The following MED13 variants were observed in gnomAD, a reference collection of about 807,000 sequenced individuals.
MED13 encodes the protein mediator of RNA polymerase II transcription subunit 13.
In MED13, 23 loss-of-function variants were observed where a neutral mutation model predicts 225.2. The observed-to-expected ratio is 0.10, with a 90% CI of 0.07 to 0.14. The LOEUF is 0.14. Among genes scored for constraint, MED13 ranks in the 10% least tolerant of loss-of-function variants. The pLI is 1.00. For missense variants in MED13, 2,197 were observed against 2,594.5 expected (o/e 0.85, Z 3.33); for synonymous variants, 942 against 889.2 (o/e 1.06, Z -1.06).
chr17:61,945,246 T>G lies in MED13; in HGVS notation c.*1222A>C, dbSNP rs989236656. ...GCGCACACACACACACCCATACATA[T>G]GCATACTCTCACATACATTCCCAAT... On this transcript the variant is annotated 3_prime_UTR_variant, in exon 30 of 30. Transcript: ENST00000397786. 1 of 151,904 alleles carries G rather than the reference T, an allele frequency of 6.6e-6. No individual in the cohort carries two copies. Among genetic ancestry groups the G allele is most frequent in the East Asian group, 1.9e-4 (1 of 5,180 alleles). The allele number at this position is 151,904 out of a possible 1,614,324, so 9.4% of individuals were successfully genotyped here. A position where few individuals can be genotyped will look rare whatever the true frequency, so the allele number is the denominator to read the frequency against.
chr17:62,028,071 A>C (rs2080719696), intron 8 of MED13, among the ~76,000 whole-genome samples: 1 of 152,232 alleles, frequency 6.6e-6, no homozygotes. Context: ...AGGGAATATA[A>C]ATCATTCTAC....
At chr17:62,045,381 G>T (rs1427100505) in intron 3 of MED13, among the ~76,000 whole-genome samples, 2 of 152,100 alleles carry the variant, frequency 1.3e-5, no homozygotes, top group Non-Finnish European at 2.9e-5. Context: ...TCTTGGCCAG[G>T]CGTGGTTGGT....
chr17:62,015,032 C>T (rs926114253), intron 8 of MED13, among the ~76,000 whole-genome samples: 1 of 152,136 alleles, frequency 6.6e-6, no homozygotes, highest in Admixed American at 6.6e-5. Context: ...ATAGGAGGAA[C>T]TGACCTAGTT....
intron 8 of MED13, among the ~76,000 whole-genome samples, chr17:62,022,062 G>C (rs184232504): frequency 6.6e-6 from 1 of 151,844 alleles, no homozygotes; most frequent in Non-Finnish European, 1.5e-5. Flanking sequence ...CAGCTACTCA[G>C]GAGGCTGAGG....
At chr17:62,065,115 G>C in intron 1 of MED13, 25 bp downstream of exon 1, 1 of 1,524,486 alleles carries the variant, frequency 6.6e-7, no homozygotes, top group Non-Finnish European at 8.8e-7. Context: ...CCCCTCCCTC[G>C]GCGCCCGCCG....
intron 3 of MED13, among the ~76,000 whole-genome samples, chr17:62,037,537 T>A (rs1170354694): frequency 6.8e-6 from 1 of 147,502 alleles, no homozygotes; most frequent in Admixed American, 6.8e-5. Context: ...TGCAGTGGTA[T>A]GCGCCTGTAA....
chr17:62,060,230 T>C (rs192744397), intron 2 of MED13, among the ~76,000 whole-genome samples: 15 of 151,638 alleles, frequency 9.9e-5, no homozygotes, highest in African/African-American at 2.9e-4. Context: ...GAGGTGGAGG[T>C]TGCAGTGAGC....
chr17:62,016,777 G>A (rs916265829), intron 8 of MED13, among the ~76,000 whole-genome samples: 1 of 152,216 alleles, frequency 6.6e-6, no homozygotes, highest in Non-Finnish European at 1.5e-5. Flanking sequence ...GGGAGGCCAA[G>A]GCGGACGGAA....
intron 2 of MED13, among the ~76,000 whole-genome samples, chr17:62,054,140 C>T (rs950904598): frequency 2.6e-5 from 4 of 151,878 alleles, no homozygotes; most frequent in African/African-American, 9.7e-5. Context: ...AAGCCCATCT[C>T]TACTAAAAAT....
chr17:62,000,406 GA>G (rs1191301138), intron 9 of MED13, among the ~76,000 whole-genome samples: 2 of 152,138 alleles, frequency 1.3e-5, no homozygotes, highest in African/African-American at 2.4e-5. Flanking sequence ...CCGCCTGATG[GA>G]ATCTCTCAGC....
At chr17:61,994,292 T>C (rs144775001) in intron 10 of MED13, among the ~76,000 whole-genome samples, 163 of 152,298 alleles carry the variant, frequency 1.1e-3, no homozygotes, top group Middle Eastern at 3.4e-3. Context: ...CCACTGTGTC[T>C]AGCCTATTTT....
Position 61,961,633 on chromosome 17 carries a change from G to C in MED13, c.5211C>G (p.Gly1737=), listed in dbSNP as rs750135566. The change falls in exon 22 of 30, where the codon GGC becomes GGG. Residue 1737 remains glycine (G), a synonymous_variant. Transcript: ENST00000397786. The part of the protein sequence containing the change: ...PTSTNVKTLT[G]FGPGLAMETA... ...TTTCCATGGCTAAACCTGGACCAAA[G>C]CCAGTCAATGTTTTCACATTGGTTG... The C allele has an allele frequency of 1.3e-5, 21 of 1,613,280 alleles. No individual in the cohort carries two copies. The highest frequency in any genetic ancestry group is 1.8e-5 in the Non-Finnish European group (21 of 1,179,834).
chr17:62,063,867 C>CA (rs2081060825), intron 1 of MED13, among the ~76,000 whole-genome samples: 1 of 152,078 alleles, frequency 6.6e-6, no homozygotes, highest in South Asian at 2.1e-4. Context: ...CTAAAAGTAC[C>CA]AAAAATAGAC....
chr17:61,968,734 T>C (rs139566563), intron 17 of MED13, among the ~76,000 whole-genome samples: 1 of 152,316 alleles, frequency 6.6e-6, no homozygotes, highest in African/African-American at 2.4e-5. Flanking sequence ...CATTAAGGAA[T>C]TTCCTAAACA....
intron 10 of MED13, among the ~76,000 whole-genome samples, chr17:61,994,099 A>G (rs1452813228): frequency 6.6e-6 from 1 of 151,910 alleles, no homozygotes; most frequent in Non-Finnish European, 1.5e-5. Flanking sequence ...CCTGGGTTCA[A>G]GCGATTCTCC....
chr17:61,995,189 C>T lies in MED13; in HGVS notation c.2144G>A (p.Arg715Lys). The change falls in exon 10 of 30, where the codon AGA becomes AAA. Residue 715 changes from arginine (R) to lysine (K), a missense_variant. Coordinates refer to ENST00000397786, the MANE Select transcript of MED13 (RefSeq NM_005121.3). ...EEFLFPDKKDRQNSEREAGKK... is the reference protein window; with the variant it reads ...EEFLFPDKKDKQNSEREAGKK... ...TCCAGCTTCTCTCTCACTATTTTGT[C>T]TATCTTTTTTATCAGGAAAAAGGAA... is the stretch of plus-strand genomic sequence containing the variant. The T allele has an allele frequency of 6.2e-7, 1 of 1,613,604 alleles. No individual in the cohort carries two copies. The highest frequency in any genetic ancestry group is 8.5e-7 in the Non-Finnish European group (1 of 1,179,878).
chr17:62,027,326 C>T (rs1320490565), intron 8 of MED13, among the ~76,000 whole-genome samples: 1 of 152,148 alleles, frequency 6.6e-6, no homozygotes, highest in Non-Finnish European at 1.5e-5. Context: ...CAAAAACAAG[C>T]AATGGGGAAA....
At chr17:62,040,142 A>G (rs182998355) in intron 3 of MED13, among the ~76,000 whole-genome samples, 53 of 152,338 alleles carry the variant, frequency 3.5e-4, no homozygotes, top group Middle Eastern at 6.8e-3. Flanking sequence ...AAATACTAAC[A>G]TAGTAAATTC....
At chr17:62,031,733 C>A in intron 5 of MED13, 95 bp from the exon 6 acceptor site, 1 of 603,396 alleles carries the variant, frequency 1.7e-6, no homozygotes, top group Non-Finnish European at 2.5e-6. Flanking sequence ...GTAGGTATCA[C>A]ATTTATACAA....
Sources: allele counts gnomAD v4.1 joint callset (sites outside exome capture counted in the v4.1 genomes callset), GRCh38; gene constraint gnomAD v4.1.1; transcripts MANE v1.5; gene names NCBI Gene and HGNC (gene_info 2026-07-23, HGNC 2026-07-21).